MAST4: variants seen among roughly 807,000 people sequenced by gnomAD.
The protein encoded by MAST4 is microtubule-associated serine/threonine-protein kinase 4.
A neutral mutation model predicts 162.7 loss-of-function variants in MAST4; 89 were observed. The ratio of observed to expected loss-of-function variants is 0.55; its 90% confidence interval spans 0.46 to 0.65. The LOEUF is 0.65. Ranked by LOEUF, MAST4 falls within the 30% of genes least tolerant of loss-of-function variation. The probability of loss-of-function intolerance (pLI) is 0.00; values close to 1 mark genes in which losing one functional copy is unlikely to be tolerated. For synonymous variants in MAST4, 1,479 were observed against 1,361.1 expected (o/e 1.09, Z -1.91); for missense variants, 3,153 against 3,374.0 (o/e 0.93, Z 1.62).
At position 67,145,148 on chromosome 5, in the gene MAST4, C is replaced by G. The variant is rs1277996387; in HGVS notation, c.2863C>G (p.Gln955Glu). The G allele has an allele frequency of 6.2e-7, 1 of 1,605,626 alleles. No homozygotes were observed. The highest frequency in any genetic ancestry group is 1.1e-5 in the South Asian group (1 of 89,484). The change falls in exon 23 of 29, where the codon CAG (glutamine) becomes GAG (glutamate). Residue 955 changes from glutamine (Q) to glutamate (E), a missense_variant. Coordinates refer to ENST00000403625, the MANE Select transcript of MAST4 (RefSeq NM_001164664.2). ...TTGTTTTTGCTTTTAATTAAGGCAA[C>G]AGCTATCAACATCCAACTCTTCAGA... ...SWSSEYSEMQ[Q>E]LSTSNSSDTE...
chr5:67,121,018 G>A lies in MAST4; in HGVS notation c.1661G>A (p.Ser554Asn). Residue 554 changes from serine to asparagine, a missense_variant and splice_region_variant, in exon 14 of 29, where the codon AGC becomes AAC. Physicochemically the swap from Ser to Asn is conservative, Grantham distance 46. Coordinates refer to ENST00000403625, the MANE Select transcript of MAST4 (RefSeq NM_001164664.2). ...TAACTTCCATATTTTGTTTCCAAGA[G>A]CTCTAATGCCTCCCTGAAACTTCGA... The part of the protein sequence containing the change: ...ETPETDESVS[S>N]SNASLKLRRK... The A allele has an allele frequency of 6.2e-7, 1 of 1,607,618 alleles. No individual in the cohort carries two copies. Among genetic ancestry groups the A allele is most frequent in the Non-Finnish European group, 8.5e-7 (1 of 1,176,568 alleles).
intron 4 of MAST4, among the ~76,000 whole-genome samples, chr5:66,956,219 G>A (rs185838598): frequency 2.5e-4 from 38 of 152,116 alleles, no homozygotes; most frequent in African/African-American, 8.7e-4. Flanking sequence ...TCTAGCTTTT[G>A]CTGATCACGT....
At chr5:66,865,559 A>ACTAGTCAT (rs1760451398) in intron 3 of MAST4, among the ~76,000 whole-genome samples, 1 of 152,214 alleles carries the variant, frequency 6.6e-6, no homozygotes, top group Non-Finnish European at 1.5e-5. Flanking sequence ...TTTAAATAAA[A>ACTAGTCAT]CTATTAAGAA....
intron 26 of MAST4, among the ~76,000 whole-genome samples, chr5:67,158,701 T>C (rs1311002506): frequency 6.6e-6 from 1 of 152,060 alleles, no homozygotes; most frequent in African/African-American, 2.4e-5. Context: ...ATAACCAAAC[T>C]AAATAAGGGA....
chr5:66,795,001 G>T (rs1052281781), intron 3 of MAST4, among the ~76,000 whole-genome samples: 6 of 152,176 alleles, frequency 3.9e-5, no homozygotes, highest in African/African-American at 1.4e-4. Flanking sequence ...CATTCAGAAT[G>T]TAGAGACATA....
chr5:66,610,905 G>C (rs1743247854), intron 1 of MAST4, among the ~76,000 whole-genome samples: 1 of 152,154 alleles, frequency 6.6e-6, no homozygotes, highest in Non-Finnish European at 1.5e-5. Context: ...CACAAATGGG[G>C]GCAAATAATT....
chr5:66,875,626 A>G (rs1761243442), intron 3 of MAST4, among the ~76,000 whole-genome samples: 1 of 152,218 alleles, frequency 6.6e-6, no homozygotes, highest in Non-Finnish European at 1.5e-5. Context: ...CTTTTAAGTT[A>G]TGATTACTGT....
intron 4 of MAST4, among the ~76,000 whole-genome samples, chr5:66,972,438 TC>T (rs1460941242): frequency 6.6e-6 from 1 of 152,224 alleles, no homozygotes; most frequent in Non-Finnish European, 1.5e-5. Flanking sequence ...TTTTTTTCTC[TC>T]CTCTTTATAT....
intron 3 of MAST4, among the ~76,000 whole-genome samples, chr5:66,839,303 G>A (rs1758253287): frequency 6.6e-6 from 1 of 152,146 alleles, no homozygotes. Context: ...TGTTCAGTAA[G>A]CAGTTGGATA....
chr5:67,051,457 G>T (rs1758172418), intron 4 of MAST4, among the ~76,000 whole-genome samples: 1 of 152,090 alleles, frequency 6.6e-6, no homozygotes, highest in South Asian at 2.1e-4. Flanking sequence ...CAGGTGCTGT[G>T]GCAACCTGGG....
chr5:66,606,823 C>T (rs140897637), intron 1 of MAST4, among the ~76,000 whole-genome samples: 27 of 151,036 alleles, frequency 1.8e-4, no homozygotes, highest in African/African-American at 4.1e-4. Flanking sequence ...TAATGTGTGG[C>T]GAAGCAACAT....
Position 66,911,574 on chromosome 5 carries a change from C to G in MAST4, c.674+11592C>G, listed in dbSNP as rs894590349. 1.8e-4 allele frequency among the ~76,000 whole-genome samples: 7 copies of G among 38,320 alleles called. 1 individual carries two copies. The highest frequency in any genetic ancestry group is 4.2e-4 in the Non-Finnish European group (6 of 14,320). The allele number at this position is 38,320 out of a possible 152,430, so 25.1% of individuals were successfully genotyped here. On this transcript the variant is annotated intron_variant, in intron 4 of 28. Coordinates refer to ENST00000403625, the MANE Select transcript of MAST4 (RefSeq NM_001164664.2). ...ACAACAACAACCCCCCCCCCCCCCC[C>G]CGCAAAAAAAAATTAGCTAGGCATG...
At chr5:66,613,211 C>G (rs931796629) in intron 1 of MAST4, among the ~76,000 whole-genome samples, 2 of 152,080 alleles carry the variant, frequency 1.3e-5, no homozygotes, top group South Asian at 4.1e-4. Flanking sequence ...CCAGTGTGCC[C>G]GGCCCAATTA....
At chr5:67,072,277 T>G (rs1346447764) in intron 5 of MAST4, among the ~76,000 whole-genome samples, 1 of 152,216 alleles carries the variant, frequency 6.6e-6, no homozygotes, top group Non-Finnish European at 1.5e-5. Context: ...TTTAATATTA[T>G]AAACACTGTT....
chr5:67,139,419 G>C (rs1229355601), intron 19 of MAST4, among the ~76,000 whole-genome samples: 1 of 152,208 alleles, frequency 6.6e-6, no homozygotes, highest in Admixed American at 6.5e-5. Context: ...TTGGGAGCTT[G>C]TGCTACTGGA....
In MAST4 at chr5:66,613,797, G is replaced by A. The variant is rs570333206; in HGVS notation, c.363+16779G>A. Among the ~76,000 whole-genome samples the A allele has an allele frequency of 2.6e-5, 4 of 152,228 alleles. No individual in the cohort carries two copies. The East Asian group carries it at 5.8e-4, about 22-fold the overall frequency. On this transcript the variant is annotated intron_variant, in intron 1 of 28. Transcript: ENST00000403625. ...TGGAGAGGGAAGTTAAGCTACTGAG[G>A]AAAAACCTAATCTGTTAAACAAAAA... is the stretch of plus-strand genomic sequence containing the variant.
In MAST4 at chr5:66,964,132, A is replaced by G. The variant is rs137990692; in HGVS notation, c.674+64150A>G. 90 of 476,742 alleles carry G rather than the reference A, an allele frequency of 1.9e-4. No homozygotes were observed. The East Asian group carries it at 4.6e-3, about 24-fold the overall frequency. 29.5% of individuals were successfully genotyped at this position (476,742 alleles called of 1,614,324 possible). A position where few individuals can be genotyped will look rare whatever the true frequency, so the allele number is the denominator to read the frequency against. ...AACATTTCCTAATTCCTATGAGAGT[A>G]TTATAATACCTGTTGCCTCAAACTA... On this transcript the variant is annotated intron_variant, in intron 4 of 28. Coordinates refer to ENST00000403625, the MANE Select transcript of MAST4 (RefSeq NM_001164664.2).
chr5:66,974,106 G>T (rs1747812835), intron 4 of MAST4, among the ~76,000 whole-genome samples: 1 of 152,112 alleles, frequency 6.6e-6, no homozygotes, highest in African/African-American at 2.4e-5. Flanking sequence ...TGTATCAAAG[G>T]CCTTCCCCGG....
rs555821094 is a variant in MAST4, at chr5:67,039,342, A to G, written c.675-15062A>G. On this transcript the variant is annotated intron_variant, in intron 4 of 28. Coordinates refer to ENST00000403625, the MANE Select transcript of MAST4 (RefSeq NM_001164664.2). ...ACACAGTAGGGTGCCATCTGTCTAT[A>G]CCATTGAATTTCTGCTTAGCAGTAC... Among the ~76,000 whole-genome samples the G allele has an allele frequency of 8.0e-4, 122 of 152,312 alleles. 2 individuals carry two copies. Among genetic ancestry groups the G allele is most frequent in the Non-Finnish European group, 1.3e-3 (89 of 68,032 alleles).
Sources: allele counts gnomAD v4.1 joint callset (sites outside exome capture counted in the v4.1 genomes callset), GRCh38; gene constraint gnomAD v4.1.1; transcripts MANE v1.5; gene names NCBI Gene and HGNC (gene_info 2026-07-23, HGNC 2026-07-21).